HRH4: variants seen among roughly 807,000 people sequenced by gnomAD.
HRH4 encodes histamine H4 receptor.
In HRH4, 12 loss-of-function variants were observed where a neutral mutation model predicts 10.4. The ratio of observed to expected loss-of-function variants is 1.15; its 90% CI spans 0.74 to 1.87. The LOEUF (loss-of-function observed/expected upper bound fraction) is 1.87, where lower values mean the gene tolerates loss of function less well. Among genes scored for constraint, HRH4 ranks in the 40% most tolerant of loss-of-function variants. The pLI is 0.00. For missense variants in HRH4, 415 were observed against 453.3 expected, an observed-to-expected ratio of 0.92 and a Z score of 0.77; for synonymous variants, 154 against 166.6, an observed-to-expected ratio of 0.92 and a Z score of 0.58.
intron 1 of HRH4, among the ~76,000 whole-genome samples, chr18:24,464,638 G>T (rs1218727718): frequency 6.6e-6 from 1 of 152,062 alleles, no homozygotes; most frequent in East Asian, 1.9e-4. Context: ...TTCTTAGCTG[G>T]CTTAGAAAGA....
chr18:24,463,163 G>T (rs1909685475), intron 1 of HRH4, among the ~76,000 whole-genome samples: 2 of 152,338 alleles, frequency 1.3e-5, no homozygotes, highest in South Asian at 4.1e-4. Context: ...CCACCCTCAA[G>T]GGCTTGAGCT....
In HRH4 at chr18:24,477,568, A is replaced by G. The variant is rs1401884587; in HGVS notation, c.*6A>G. ...GTCGGTCAGTATCTTCTTAAAGACA[A>G]TTTTCTCACCTCTGTAAATTTTAGT... On this transcript the variant is annotated 3_prime_UTR_variant, in exon 3 of 3. Coordinates refer to ENST00000256906, the MANE Select transcript of HRH4 (RefSeq NM_021624.4). 3 of 1,538,534 alleles carry G rather than the reference A, an allele frequency of 1.9e-6. No homozygotes were observed. The highest frequency in any genetic ancestry group is 2.6e-6 in the Non-Finnish European group (3 of 1,143,774).
intron 2 of HRH4, among the ~76,000 whole-genome samples, chr18:24,474,769 C>A (rs1467679199): frequency 6.6e-6 from 1 of 151,864 alleles, no homozygotes; most frequent in Non-Finnish European, 1.5e-5. Context: ...TCACTGAAAC[C>A]TCTGCCTCCC....
chr18:24,470,974 G>A (rs111497038), intron 2 of HRH4, among the ~76,000 whole-genome samples: 1 of 149,808 alleles, frequency 6.7e-6, no homozygotes, highest in African/African-American at 2.5e-5. Context: ...AGTCATTTCC[G>A]CTTACATTTT....
chr18:24,461,770 T>C (rs1276573818), intron 1 of HRH4, among the ~76,000 whole-genome samples: 3 of 152,068 alleles, frequency 2.0e-5, no homozygotes, highest in Non-Finnish European at 4.4e-5. Flanking sequence ...TTCTCTTTTT[T>C]TTTTTTTTTT....
At chr18:24,475,916 G>T (rs1910120401) in intron 2 of HRH4, among the ~76,000 whole-genome samples, 1 of 152,286 alleles carries the variant, frequency 6.6e-6, no homozygotes, top group African/African-American at 2.4e-5. Context: ...GCTGAGGCAG[G>T]AGAATTGCTT....
chr18:24,460,863 C>T lies in HRH4; in HGVS notation c.135C>T (p.Asn45=), dbSNP rs773411086. 8 of 1,585,226 alleles carry T rather than the reference C, an allele frequency of 5.0e-6. No individual in the cohort carries two copies. The Admixed American group carries it at 1.3e-4, about 27-fold the overall frequency. ...LVILAFVVDK[N]LRHRSSYFFL... Reference sequence around the variant, plus strand: ...TTTTAGCTTTTGTGGTGGACAAAAACCTTAGACATCGAAGTAGTTATTTTT... The same window carrying T: ...TTTTAGCTTTTGTGGTGGACAAAAATCTTAGACATCGAAGTAGTTATTTTT... The change falls in exon 1 of 3, where the codon AAC becomes AAT. Residue 45 remains asparagine, a synonymous_variant. Coordinates refer to ENST00000256906, the MANE Select transcript of HRH4 (RefSeq NM_021624.4).
At chr18:24,474,060 G>A (rs1476124390) in intron 2 of HRH4, among the ~76,000 whole-genome samples, 2 of 152,106 alleles carry the variant, frequency 1.3e-5, no homozygotes, top group Non-Finnish European at 2.9e-5. Flanking sequence ...ACAGCTCCTT[G>A]GCTGTCCATT....
intron 1 of HRH4, among the ~76,000 whole-genome samples, chr18:24,466,679 A>AATGC (rs1444052448): frequency 6.6e-6 from 1 of 152,122 alleles, no homozygotes; most frequent in African/African-American, 2.4e-5. Context: ...TGTTTTGGAG[A>AATGC]ATGCAGGCTT....
intron 1 of HRH4, among the ~76,000 whole-genome samples, chr18:24,465,817 A>G (rs1054799017): frequency 3.3e-5 from 5 of 152,188 alleles, no homozygotes; most frequent in African/African-American, 9.6e-5. Flanking sequence ...CACTGTTTCC[A>G]GCAGCTCCTA....
At position 24,460,921 on chromosome 18, in the gene HRH4, G is replaced by A. The variant is rs1909620837; in HGVS notation, c.193G>A (p.Gly65Ser). 1 of 1,539,666 alleles carries A rather than the reference G, an allele frequency of 6.5e-7. No homozygotes were observed. Among genetic ancestry groups the A allele is most frequent in the African/African-American group, 1.4e-5 (1 of 73,352 alleles). The change falls in exon 1 of 3, where the codon GGT becomes AGT. Residue 65 changes from glycine (G) to serine (S), a missense_variant and splice_region_variant. Coordinates refer to ENST00000256906, the MANE Select transcript of HRH4 (RefSeq NM_021624.4). ...LNLAISDFFVGVISIPLYIPH... is the reference protein window; with the variant it reads ...LNLAISDFFVSVISIPLYIPH... ...CTTGGCCATCTCTGACTTCTTTGTG[G>A]GTAAGTTATATGTCTTTATTTAAGA...
At chr18:24,471,363 G>A (rs1233485648) in intron 2 of HRH4, among the ~76,000 whole-genome samples, 1 of 151,742 alleles carries the variant, frequency 6.6e-6, no homozygotes, top group Non-Finnish European at 1.5e-5. Context: ...CCAGCACTTT[G>A]GGAGGCCAAG....
In HRH4 at chr18:24,477,320, G is replaced by T. The variant is rs1910170404; in HGVS notation, c.931G>T (p.Val311Phe). ...LAKSLAILLG[V>F]FAVCWAPYSL... ...CAAGTCACTGGCCATTCTCTTAGGG[G>T]TTTTTGCTGTTTGCTGGGCTCCATA... Residue 311 changes from valine to phenylalanine, a missense_variant, in exon 3 of 3, where the codon GTT (valine) becomes TTT (phenylalanine). Coordinates refer to ENST00000256906, the MANE Select transcript of HRH4 (RefSeq NM_021624.4). 6.2e-7 allele frequency: 1 copy of T among 1,614,112 alleles called. No individual in the cohort carries two copies.
intron 1 of HRH4, among the ~76,000 whole-genome samples, chr18:24,466,178 T>C (rs1228311342): frequency 6.6e-6 from 1 of 151,778 alleles, no homozygotes; most frequent in African/African-American, 2.4e-5. Flanking sequence ...AGTGGCGTGA[T>C]CATGGCTCAC....
In HRH4 at chr18:24,469,081, G is replaced by C. The variant is rs1909864426; in HGVS notation, c.357+130G>C. 24 of 650,796 alleles carry C rather than the reference G, an allele frequency of 3.7e-5. No individual in the cohort carries two copies. In the East Asian group the frequency reaches 7.2e-4, roughly 19 times the overall value. The allele number at this position is 650,796 out of a possible 1,614,324, so 40.3% of individuals were successfully genotyped here. ...GGCCTTAGAGGAACCCTATCCTTTT[G>C]TTGTCTGGCATAAAGTTCTTGCTGG... On this transcript the variant is annotated intron_variant, in intron 2 of 2. Transcript: ENST00000256906.
chr18:24,461,780 T>A (rs1039032009), intron 1 of HRH4, among the ~76,000 whole-genome samples: 28 of 150,014 alleles, frequency 1.9e-4, no homozygotes, highest in Admixed American at 1.1e-3. Context: ...TTTTTTTTTT[T>A]AATTTCTCTG....
chr18:24,461,887 G>A (rs1909651343), intron 1 of HRH4, among the ~76,000 whole-genome samples: 2 of 151,692 alleles, frequency 1.3e-5, no homozygotes, highest in African/African-American at 2.4e-5. Context: ...GGTAATCAAG[G>A]GATCTATAGA....
At chr18:24,463,494 T>A (rs900116411) in intron 1 of HRH4, among the ~76,000 whole-genome samples, 1 of 152,224 alleles carries the variant, frequency 6.6e-6, no homozygotes, top group African/African-American at 2.4e-5. Context: ...ATGAACCTTT[T>A]GTCTCAGCCT....
intron 1 of HRH4, among the ~76,000 whole-genome samples, chr18:24,464,968 C>A (rs1242183301): frequency 6.6e-6 from 1 of 151,816 alleles, no homozygotes; most frequent in Non-Finnish European, 1.5e-5. Context: ...AATTTTAAAC[C>A]TTGGAGCTAG....
Sources: allele counts gnomAD v4.1 joint callset (sites outside exome capture counted in the v4.1 genomes callset), GRCh38; gene constraint gnomAD v4.1.1; transcripts MANE v1.5; gene names NCBI Gene and HGNC (gene_info 2026-07-23, HGNC 2026-07-21).